MAP1LC3B2: variants seen among roughly 807,000 people sequenced by gnomAD.
The protein encoded by MAP1LC3B2 is microtubule associated protein 1 light chain 3 beta 2.
For missense variants in MAP1LC3B2, 155 were observed against 154.6 expected, an observed-to-expected ratio of 1.00 and a Z score of -0.01; for synonymous variants, 62 against 57.8, an observed-to-expected ratio of 1.07 and a Z score of -0.33.
intron 1 of MAP1LC3B2, 112 bp from the exon 2 acceptor site, chr12:116,575,730 C>T: frequency 1.6e-6 from 1 of 620,900 alleles, no homozygotes; most frequent in South Asian, 2.0e-5. Flanking sequence ...GAACAGGTGT[C>T]AGCAGATGTT....
intron 1 of MAP1LC3B2, among the ~76,000 whole-genome samples, chr12:116,574,469 C>G (rs1482206147): frequency 6.6e-6 from 1 of 151,834 alleles, no homozygotes; most frequent in Non-Finnish European, 1.5e-5. Context: ...GGCAAAACTC[C>G]ACTTCTACAA....
At chr12:116,571,595 C>T (rs1869536876) in intron 1 of MAP1LC3B2, among the ~76,000 whole-genome samples, 1 of 149,328 alleles carries the variant, frequency 6.7e-6, no homozygotes, top group Non-Finnish European at 1.5e-5. Context: ...ATTCTCCTGC[C>T]TCAGCCTCCC....
At chr12:116,570,673 T>C (rs750110431) in intron 1 of MAP1LC3B2, among the ~76,000 whole-genome samples, 14 of 152,200 alleles carry the variant, frequency 9.2e-5, no homozygotes, top group Non-Finnish European at 1.8e-4. Context: ...GCCTTTTGCC[T>C]TCCACCATGA....
intron 1 of MAP1LC3B2, among the ~76,000 whole-genome samples, chr12:116,563,580 C>A (rs980578249): frequency 6.6e-6 from 1 of 152,102 alleles, no homozygotes; most frequent in Non-Finnish European, 1.5e-5. Flanking sequence ...TTAAGATGTG[C>A]CTTGATGTTC....
At chr12:116,568,868 CTT>C (rs35884310) in intron 1 of MAP1LC3B2, among the ~76,000 whole-genome samples, 5 of 139,706 alleles carry the variant, frequency 3.6e-5, no homozygotes, top group Admixed American at 7.2e-5. Context: ...TCTTTTCTTT[CTT>C]TTTTTTTTTT....
intron 1 of MAP1LC3B2, among the ~76,000 whole-genome samples, chr12:116,569,669 G>C (rs1354199688): frequency 6.6e-6 from 1 of 152,100 alleles, no homozygotes; most frequent in Non-Finnish European, 1.5e-5. Flanking sequence ...GAAGTAGAAT[G>C]GCGCTTATAT....
Position 116,572,129 on chromosome 12 carries a change from C to A in MAP1LC3B2, c.-101-3713C>A, listed in dbSNP as rs181152638. 1.0e-3 allele frequency among the ~76,000 whole-genome samples: 156 copies of A among 152,226 alleles called. 1 individual carries two copies. Among genetic ancestry groups the A allele is most frequent in the African/African-American group, 3.6e-3 (148 of 41,548 alleles). Reference sequence around the variant, plus strand: ...ACAAGACCTTTAGATTATCCATAACCTTGATCATAAAATGATCGACACTTG... The same window carrying A: ...ACAAGACCTTTAGATTATCCATAACATTGATCATAAAATGATCGACACTTG... On this transcript the variant is annotated intron_variant, in intron 1 of 1. Transcript: ENST00000556529.
chr12:116,575,424 A>G (rs1869648051), intron 1 of MAP1LC3B2, among the ~76,000 whole-genome samples: 1 of 152,310 alleles, frequency 6.6e-6, no homozygotes, highest in Non-Finnish European at 1.5e-5. Flanking sequence ...AAAGATATAC[A>G]TGACTTTCAT....
At chr12:116,563,540 G>T (rs7133288) in intron 1 of MAP1LC3B2, among the ~76,000 whole-genome samples, 44,317 of 151,890 alleles carry the variant, frequency 0.29, 6,975 homozygotes, top group African/African-American at 0.39. Context: ...TTAAGATTTT[G>T]GTCTTTATTG....
intron 1 of MAP1LC3B2, among the ~76,000 whole-genome samples, chr12:116,561,572 C>T (rs1566022852): frequency 6.6e-6 from 1 of 152,178 alleles, no homozygotes; most frequent in South Asian, 2.1e-4. Context: ...GCCTTGAGGA[C>T]TCCCGAGACT....
intron 1 of MAP1LC3B2, chr12:116,560,176 A>C (rs1413710529): frequency 7.2e-6 from 1 of 138,162 alleles, no homozygotes; most frequent in Non-Finnish European, 1.5e-5. Context: ...TCTGAAATAA[A>C]GCTAAGTTTG....
At position 116,560,210 on chromosome 12, in the gene MAP1LC3B2, A is replaced by ATG. The variant is rs1555246734; in HGVS notation, c.-102+778_-102+779insGT. ...TGGCTATATATATATATATATATAT[A>ATG]TATATATATATATATATATATATAT... On this transcript the variant is annotated intron_variant, in intron 1 of 1. Transcript: ENST00000556529. The ATG allele has an allele frequency of 1.2e-4, 8 of 68,934 alleles. No homozygotes were observed. The South Asian group carries it at 1.9e-3, about 16-fold the overall frequency. 4.3% of individuals were successfully genotyped at this position (68,934 alleles called of 1,614,324 possible).
intron 1 of MAP1LC3B2, among the ~76,000 whole-genome samples, chr12:116,570,856 A>AT (rs751942633): frequency 4.6e-5 from 7 of 152,238 alleles, no homozygotes; most frequent in African/African-American, 7.2e-5. Flanking sequence ...ACCAGGATGT[A>AT]TTAATAAGTC....
intron 1 of MAP1LC3B2, 146 bp downstream of exon 1, chr12:116,559,579 T>C (rs1185000887): frequency 6.6e-6 from 1 of 152,310 alleles, no homozygotes; most frequent in Non-Finnish European, 1.5e-5. Flanking sequence ...CCACAGCCTC[T>C]GCTTTCACTA....
chr12:116,560,227 T>C lies in MAP1LC3B2; in HGVS notation c.-102+794T>C, dbSNP rs928575414. On this transcript the variant is annotated intron_variant, in intron 1 of 1. Coordinates refer to ENST00000556529, the MANE Select transcript of MAP1LC3B2 (RefSeq NM_001085481.3). ...ATATATATATATATATATATATATA[T>C]ATATATATATATATGTATGTATATG... 3.9e-4 allele frequency: 52 copies of C among 132,832 alleles called. 3 individuals are homozygous for C. Among genetic ancestry groups the C allele is most frequent in the African/African-American group, 1.3e-3 (44 of 35,104 alleles). 8.2% of individuals were successfully genotyped at this position (132,832 alleles called of 1,614,324 possible).
At position 116,559,440 on chromosome 12, in the gene MAP1LC3B2, A is replaced by C. The variant is rs574739043; in HGVS notation, c.-102+7A>C. 35 of 152,424 alleles carry C rather than the reference A, an allele frequency of 2.3e-4. No homozygotes were observed. The highest frequency in any genetic ancestry group is 8.2e-4 in the African/African-American group (34 of 41,556). The allele number at this position is 152,424 out of a possible 1,614,324, so 9.4% of individuals were successfully genotyped here. A position where few individuals can be genotyped will look rare whatever the true frequency, so the allele number is the denominator to read the frequency against. Reference sequence around the variant, plus strand: ...CCAGATCCTGTGCCAGCGGGTAGGAATATGTAGCTGCCTCCCAGCCCCAGG... The same window carrying C: ...CCAGATCCTGTGCCAGCGGGTAGGACTATGTAGCTGCCTCCCAGCCCCAGG... On this transcript the variant is annotated splice_region_variant and intron_variant, in intron 1 of 1. Transcript: ENST00000556529.
rs760831587 is a variant in MAP1LC3B2 at position 116,576,051 on chromosome 12, C to G, written c.109C>G (p.Arg37Gly). Residue 37 changes from arginine (R) to glycine (G), a missense_variant, in exon 2 of 2, where the codon CGA (arginine) becomes GGA (glycine). Transcript: ENST00000556529. ...AACCAAAATCCCGGTGATAATAGAA[C>G]GATACAAGGGTGAGAAGCAGCTTCC... ...HPTKIPVIIE[R>G]YKGEKQLPVL... 1 of 1,614,196 alleles carries G rather than the reference C, an allele frequency of 6.2e-7. No homozygotes were observed. Among genetic ancestry groups the G allele is most frequent in the Admixed American group, 1.7e-5 (1 of 60,024 alleles).
At chr12:116,570,750 T>G (rs1453319460) in intron 1 of MAP1LC3B2, among the ~76,000 whole-genome samples, 1 of 152,244 alleles carries the variant, frequency 6.6e-6, no homozygotes, top group Non-Finnish European at 1.5e-5. Context: ...GGGTAAGTCT[T>G]TATCAGCCAC....
intron 1 of MAP1LC3B2, among the ~76,000 whole-genome samples, chr12:116,568,792 G>T (rs1869452537): frequency 6.6e-6 from 1 of 152,010 alleles, no homozygotes; most frequent in African/African-American, 2.4e-5. Flanking sequence ...CAGCAGGAAG[G>T]CCCTTGCCAG....
Sources: allele counts gnomAD v4.1 joint callset (sites outside exome capture counted in the v4.1 genomes callset), GRCh38; gene constraint gnomAD v4.1.1; transcripts MANE v1.5; gene names NCBI Gene and HGNC (gene_info 2026-07-23, HGNC 2026-07-21).